GLMN: variants seen among roughly 807,000 people sequenced by gnomAD.
GLMN encodes the protein glomulin, FKBP associated protein.
Under a neutral mutation model 87.8 loss-of-function variants are expected in GLMN, and 75 were observed. The observed-to-expected ratio is 0.85, with a 90% CI of 0.71 to 1.04. The LOEUF (loss-of-function observed/expected upper bound fraction) is 1.04. Ranked by LOEUF, GLMN falls within the 50% of genes least tolerant of loss-of-function variation. The pLI, the probability that GLMN is intolerant of heterozygous loss-of-function variation, is 0.00. For missense variants in GLMN, 588 were observed against 658.8 expected (o/e 0.89, Z 1.18); for synonymous variants, 206 against 221.6 (o/e 0.93, Z 0.63).
At chr1:92,322,508 C>T in the GLMN span, among the ~76,000 whole-genome samples, 191 of 151,476 alleles carry the variant, frequency 1.3e-3, 5 homozygotes, top group South Asian at 0.037. Flanking sequence ...CTTGCCACTG[C>T]GCTCCAGCCT....
chr1:92,355,077 A>AT, the GLMN span, among the ~76,000 whole-genome samples: 5 of 151,762 alleles, frequency 3.3e-5, no homozygotes, highest in African/African-American at 9.7e-5. Context: ...TATTATTATT[A>AT]TTTTTTGTAG....
chr1:92,280,215 C>A (rs762379795), intron 7 of GLMN, among the ~76,000 whole-genome samples: 1 of 152,190 alleles, frequency 6.6e-6, no homozygotes, highest in African/African-American at 2.4e-5. Context: ...AGTAGGGGGC[C>A]GACAGACACC....
chr1:92,271,702 C>T, intron 7 of GLMN, 50 bp from the exon 8 acceptor site: 2 of 1,263,288 alleles, frequency 1.6e-6, no homozygotes, highest in Non-Finnish European at 1.2e-6. Context: ...TCTAAAATGC[C>T]CCCCACCCCG....
At chr1:92,288,077 T>A (rs1234637092) in intron 6 of GLMN, among the ~76,000 whole-genome samples, 4 of 151,984 alleles carry the variant, frequency 2.6e-5, no homozygotes, top group African/African-American at 7.2e-5. Flanking sequence ...ATCCAGGGGA[T>A]ATTTTATAAT....
chr1:92,337,147 C>T, the GLMN span, among the ~76,000 whole-genome samples: 2 of 152,026 alleles, frequency 1.3e-5, no homozygotes, highest in African/African-American at 2.4e-5. Context: ...GTTGCACTGA[C>T]ACAGAATAAA....
At chr1:92,262,428 G>C (rs988711485) in intron 16 of GLMN, among the ~76,000 whole-genome samples, 1 of 152,166 alleles carries the variant, frequency 6.6e-6, no homozygotes, top group Non-Finnish European at 1.5e-5. Flanking sequence ...ATATCTAAAA[G>C]GTGCTGTTAA....
the GLMN span, among the ~76,000 whole-genome samples, chr1:92,340,745 G>T: frequency 6.6e-6 from 1 of 152,100 alleles, no homozygotes; most frequent in Non-Finnish European, 1.5e-5. Context: ...AATTTCCCCA[G>T]TGAATAGAGC....
chr1:92,295,824 G>T (rs1649981202), intron 3 of GLMN, among the ~76,000 whole-genome samples: 1 of 152,136 alleles, frequency 6.6e-6, no homozygotes, highest in Admixed American at 6.5e-5. Context: ...GTTAATAAAT[G>T]TAAAGGACTA....
intron 16 of GLMN, among the ~76,000 whole-genome samples, chr1:92,251,400 AAAAG>A (rs1211614531): frequency 1.3e-5 from 2 of 150,238 alleles, no homozygotes; most frequent in African/African-American, 5.1e-5. Flanking sequence ...AGGTCAAAAT[AAAAG>A]AAAAAAAAAT....
In GLMN at chr1:92,263,696, A is replaced by G. The variant is rs760808572; in HGVS notation, c.1336T>C (p.Leu446=). ...RNNKWFTGPQ[L]ISLLDLVLFL... is the part of the protein sequence containing the mutation. The stretch of plus-strand genomic sequence containing the variant: ...AGTACCAAATCAAGAAGGGAAATCA[A>G]CTGTGGTCCTGTAAACCATTTGTTG... The change falls in exon 15 of 19, where the codon TTG becomes CTG. Residue 446 remains leucine, a synonymous_variant. Coordinates refer to ENST00000370360, the MANE Select transcript of GLMN (RefSeq NM_053274.3). The G allele has an allele frequency of 1.9e-6, 3 of 1,601,626 alleles. No individual in the cohort carries two copies. Among genetic ancestry groups the G allele is most frequent in the African/African-American group, 1.3e-5 (1 of 74,698 alleles).
chr1:92,253,153 G>T (rs1192764421), intron 16 of GLMN, among the ~76,000 whole-genome samples: 2 of 151,598 alleles, frequency 1.3e-5, no homozygotes, highest in Non-Finnish European at 2.9e-5. Flanking sequence ...ATATGCCCCT[G>T]TACCAAACCT....
chr1:92,278,536 A>G (rs1187257759), intron 7 of GLMN, among the ~76,000 whole-genome samples: 3 of 152,178 alleles, frequency 2.0e-5, no homozygotes, highest in Admixed American at 6.5e-5. Context: ...CTCCTAAATT[A>G]AAATTGGCTC....
intron 16 of GLMN, among the ~76,000 whole-genome samples, chr1:92,254,668 T>C (rs1182016832): frequency 2.0e-5 from 3 of 152,188 alleles, no homozygotes; most frequent in Non-Finnish European, 4.4e-5. Context: ...TTAAGCTTCA[T>C]AAGTGAAGGA....
At chr1:92,309,542 TACACATACAC>T in the GLMN span, among the ~76,000 whole-genome samples, 5 of 4,170 alleles carry the variant, frequency 1.2e-3, no homozygotes, top group Admixed American at 0.014. Context: ...GCTACACACA[TACACATACAC>T]ATACACATAC....
chr1:92,250,865 CCTT>C (rs1325791205), intron 16 of GLMN, among the ~76,000 whole-genome samples: 3 of 151,988 alleles, frequency 2.0e-5, no homozygotes, highest in Admixed American at 6.6e-5. Flanking sequence ...TAAAATATAA[CCTT>C]CTAGCTATAC....
chr1:92,321,036 A>G, the GLMN span, among the ~76,000 whole-genome samples: 3 of 152,226 alleles, frequency 2.0e-5, no homozygotes, highest in African/African-American at 7.2e-5. Flanking sequence ...CATCTAAAGC[A>G]TTAATATAAA....
At chr1:92,258,888 T>TCTGC (rs1654626568) in intron 16 of GLMN, among the ~76,000 whole-genome samples, 3 of 152,210 alleles carry the variant, frequency 2.0e-5, no homozygotes. Context: ...TCCCAGAACT[T>TCTGC]AAAAGTATTG....
Position 92,254,251 on chromosome 1 carries a change from A to C in GLMN, c.1474-6262T>G, listed in dbSNP as rs181999026. Among the ~76,000 whole-genome samples, 3 of 152,364 alleles carry C rather than the reference A, an allele frequency of 2.0e-5. No individual in the cohort carries two copies. In the East Asian group the frequency reaches 5.8e-4, roughly 29 times the overall value. Reference sequence around the variant, plus strand: ...ATGAAAAGGAATGAACAAAGCTTCCAAGAAATATGGGACTATGTGAAAAGA... The same window carrying C: ...ATGAAAAGGAATGAACAAAGCTTCCCAGAAATATGGGACTATGTGAAAAGA... On this transcript the variant is annotated intron_variant, in intron 16 of 18. Transcript: ENST00000370360.
the GLMN span, among the ~76,000 whole-genome samples, chr1:92,368,815 G>T: frequency 6.6e-6 from 1 of 152,202 alleles, no homozygotes; most frequent in Non-Finnish European, 1.5e-5. Flanking sequence ...GGAGCAGTCA[G>T]CTAAATAAAG....
Sources: gnomAD v4.1 joint callset for allele counts (sites outside exome capture counted in the v4.1 genomes callset) on GRCh38, gnomAD v4.1.1 for gene constraint, MANE v1.5 for transcripts, NCBI Gene and HGNC (gene_info 2026-07-23, HGNC 2026-07-21) for gene names.